HNF4G: variants seen among roughly 807,000 people sequenced by gnomAD.
HNF4G encodes the protein hepatocyte nuclear factor 4-gamma.
In HNF4G, 21 loss-of-function variants were observed where a neutral mutation model predicts 50.9. The ratio of observed to expected loss-of-function variants is 0.41; its 90% CI spans 0.29 to 0.59. The LOEUF (loss-of-function observed/expected upper bound fraction) is 0.59, where lower values mean the gene tolerates loss of function less well. Among genes scored for constraint, HNF4G ranks in the 20% least tolerant of loss-of-function variants. The pLI, the probability that HNF4G is intolerant of heterozygous loss-of-function variation, is 0.26. For missense variants in HNF4G, 527 were observed against 559.4 expected, an observed-to-expected ratio of 0.94 and a Z score of 0.58; for synonymous variants, 198 against 185.6, an observed-to-expected ratio of 1.07 and a Z score of -0.54.
upstream of HNF4G, among the ~76,000 whole-genome samples, chr8:75,537,621 G>A (rs756503551): frequency 3.0e-4 from 46 of 151,998 alleles, no homozygotes; most frequent in Non-Finnish European, 5.6e-4. Context: ...ATCGACTAAA[G>A]TTTAGACAAT....
chr8:75,566,303 C>T lies in HNF4G; in HGVS notation c.*2207C>T, dbSNP rs1807460624. 6.6e-6 allele frequency: 1 copy of T among 152,164 alleles called. No individual in the cohort carries two copies. Among genetic ancestry groups the T allele is most frequent in the Non-Finnish European group, 1.5e-5 (1 of 68,014 alleles). The allele number at this position is 152,164 out of a possible 1,614,324, so 9.4% of individuals were successfully genotyped here. A position where few individuals can be genotyped will look rare whatever the true frequency, so the allele number is the denominator to read the frequency against. On this transcript the variant is annotated 3_prime_UTR_variant, in exon 10 of 10. Transcript: ENST00000396423. Reference sequence around the variant, plus strand: ...CTGAATCACCCTCCAAAGGCCCCACCTCCTAATACCATCACTCTGGGGACT... The same window carrying T: ...CTGAATCACCCTCCAAAGGCCCCACTTCCTAATACCATCACTCTGGGGACT...
chr8:75,435,273 C>A (rs184321826), intron 1 of HNF4G, among the ~76,000 whole-genome samples: 1 of 152,240 alleles, frequency 6.6e-6, no homozygotes, highest in East Asian at 1.9e-4. Flanking sequence ...AATGTATTCA[C>A]CAAATTTATA....
At chr8:75,548,572 T>A (rs753261041) in intron 3 of HNF4G, among the ~76,000 whole-genome samples, 10 of 152,290 alleles carry the variant, frequency 6.6e-5, no homozygotes, top group Non-Finnish European at 1.2e-4. Flanking sequence ...TATTAAGTAA[T>A]CTGATTATAT....
At chr8:75,503,120 G>A (rs919336429) in intron 2 of HNF4G, among the ~76,000 whole-genome samples, 3 of 152,082 alleles carry the variant, frequency 2.0e-5, no homozygotes, top group Non-Finnish European at 2.9e-5. Context: ...AAACTTCATA[G>A]GTAAATCATT....
intron 2 of HNF4G, among the ~76,000 whole-genome samples, chr8:75,533,236 A>G (rs1377252313): frequency 6.6e-6 from 1 of 152,046 alleles, no homozygotes; most frequent in African/African-American, 2.4e-5. Context: ...GTAAATAGAA[A>G]ATAGAAGGTC....
chr8:75,456,874 G>T (rs1008229081), intron 1 of HNF4G, among the ~76,000 whole-genome samples: 1 of 151,702 alleles, frequency 6.6e-6, no homozygotes, highest in South Asian at 2.1e-4. Flanking sequence ...CTGAGTAGCT[G>T]GGACCCCAGA....
intron 1 of HNF4G, among the ~76,000 whole-genome samples, chr8:75,408,959 GTTAT>G (rs1026941558): frequency 1.3e-4 from 20 of 152,202 alleles, no homozygotes; most frequent in Admixed American, 5.2e-4. Context: ...TTTAGAAGCG[GTTAT>G]TTGTCATTAA....
chr8:75,431,505 A>G (rs1335775084), intron 1 of HNF4G, among the ~76,000 whole-genome samples: 1 of 152,236 alleles, frequency 6.6e-6, no homozygotes, highest in African/African-American at 2.4e-5. Context: ...GAATCTAAAC[A>G]TATCAGTGAT....
chr8:75,409,795 T>A (rs549706028), intron 1 of HNF4G, among the ~76,000 whole-genome samples: 1 of 152,248 alleles, frequency 6.6e-6, no homozygotes, highest in African/African-American at 2.4e-5. Flanking sequence ...CCTGTTTTTA[T>A]TTGTTTTAAA....
intron 1 of HNF4G, among the ~76,000 whole-genome samples, chr8:75,464,313 A>G (rs1353002629): frequency 6.6e-6 from 1 of 152,024 alleles, no homozygotes; most frequent in Non-Finnish European, 1.5e-5. Flanking sequence ...TTAATATAAT[A>G]CCATTCCAAA....
At position 75,550,515 on chromosome 8, in the gene HNF4G, G is replaced by GT. The variant is rs577990080; in HGVS notation, c.383-871dup. On this transcript the variant is annotated intron_variant, in intron 3 of 9. Transcript: ENST00000396423. ...TTTAGTAGAGACGAGGTTTCACCAT[G>GT]TTGGCCAGGTTGGTCTCGTACTTTT... Among the ~76,000 whole-genome samples the GT allele has an allele frequency of 5.9e-3, 904 of 152,090 alleles. 5 individuals carry two copies. Among genetic ancestry groups the GT allele is most frequent in the Non-Finnish European group, 0.011 (717 of 67,986 alleles).
intron 1 of HNF4G, among the ~76,000 whole-genome samples, chr8:75,473,032 G>A (rs898381089): frequency 2.6e-5 from 4 of 152,110 alleles, no homozygotes; most frequent in African/African-American, 7.2e-5. Flanking sequence ...AGTGTCAGCC[G>A]GGAGCAGTGG....
chr8:75,528,886 C>T lies in HNF4G; in HGVS notation c.-23-14925C>T, dbSNP rs533204074. On this transcript the variant is annotated intron_variant, in intron 2 of 10. Coordinates refer to the HNF4G transcript ENST00000354370. ...AAAAGAGGTTTAATTGACACAGTTC[C>T]GCGTGGCTGGGGAGGCCTCAGGAAA... Among the ~76,000 whole-genome samples, 9 of 152,180 alleles carry T rather than the reference C, an allele frequency of 5.9e-5. No homozygotes were observed. In the East Asian group the frequency reaches 1.4e-3, roughly 23 times the overall value.
At position 75,547,643 on chromosome 8, in the gene HNF4G, G is replaced by C. The variant is rs1159952636; in HGVS notation, c.344G>C (p.Arg115Pro). The C allele has an allele frequency of 6.2e-7, 1 of 1,610,678 alleles. No individual in the cohort carries two copies. The highest frequency in any genetic ancestry group is 1.7e-5 in the Admixed American group (1 of 59,954). ...KDKRNQCRYC[R>P]LRKCFRAGMK... Reference sequence around the variant, plus strand: ...AAAAGGAATCAATGTAGATATTGTCGATTAAGAAAGTGTTTTAGAGCGGGA... The same window carrying C: ...AAAAGGAATCAATGTAGATATTGTCCATTAAGAAAGTGTTTTAGAGCGGGA... The change falls in exon 3 of 10, where the codon CGA becomes CCA. Residue 115 changes from arginine to proline, a missense_variant. Physicochemically the swap from Arg to Pro is moderately radical, Grantham distance 103. Transcript: ENST00000396423.
At chr8:75,562,100 C>T (rs1807327157) in intron 9 of HNF4G, among the ~76,000 whole-genome samples, 1 of 151,552 alleles carries the variant, frequency 6.6e-6, no homozygotes, top group Non-Finnish European at 1.5e-5. Flanking sequence ...TTATTGCCTA[C>T]TGAATTTACA....
chr8:75,452,796 C>T (rs1265883100), intron 1 of HNF4G, among the ~76,000 whole-genome samples: 2 of 152,050 alleles, frequency 1.3e-5, no homozygotes, highest in African/African-American at 2.4e-5. Context: ...TCAGGCAGTC[C>T]TATTTTAAAG....
chr8:75,515,982 T>G (rs1805877047), intron 2 of HNF4G, among the ~76,000 whole-genome samples: 1 of 152,216 alleles, frequency 6.6e-6, no homozygotes, highest in South Asian at 2.1e-4. Context: ...CAGGCTGGTC[T>G]CGAACTCCTG....
intron 1 of HNF4G, among the ~76,000 whole-genome samples, chr8:75,454,155 C>T (rs6994463): frequency 0.16 from 24,166 of 150,592 alleles, 2,255 homozygotes; most frequent in African/African-American, 0.25. Flanking sequence ...AGAAAAGGCC[C>T]TGTGAGGACA....
intron 9 of HNF4G, among the ~76,000 whole-genome samples, chr8:75,562,486 C>T (rs1807342262): frequency 6.6e-6 from 1 of 152,044 alleles, no homozygotes; most frequent in Non-Finnish European, 1.5e-5. Context: ...AAGAGAGGGG[C>T]AAGCCTAATA....
Sources: gnomAD v4.1 joint callset for allele counts (sites outside exome capture counted in the v4.1 genomes callset) on GRCh38, gnomAD v4.1.1 for gene constraint, MANE v1.5 for transcripts, NCBI Gene and HGNC (gene_info 2026-07-23, HGNC 2026-07-21) for gene names.